NDFIP2: variants seen among roughly 807,000 people sequenced by gnomAD.
The protein encoded by NDFIP2 is Nedd4 family interacting protein 2, also known as NEDD4 family-interacting protein 2.
In NDFIP2, 19 loss-of-function variants were observed where a neutral mutation model predicts 36.0. The observed-to-expected ratio is 0.53, with a 90% confidence interval of 0.37 to 0.77. NDFIP2 has a LOEUF of 0.77. Among genes scored for constraint, NDFIP2 ranks in the 30% least tolerant of loss-of-function variants. The probability of loss-of-function intolerance (pLI) is 0.00; values close to 1 mark genes in which losing one functional copy is unlikely to be tolerated. For synonymous variants in NDFIP2, 181 were observed against 167.7 expected, an observed-to-expected ratio of 1.08 and a Z score of -0.61; for missense variants, 446 against 435.8, an observed-to-expected ratio of 1.02 and a Z score of -0.21.
At chr13:79,528,622 G>A (rs547501928) in intron 2 of NDFIP2, among the ~76,000 whole-genome samples, 19 of 152,060 alleles carry the variant, frequency 1.2e-4, no homozygotes, top group Non-Finnish European at 2.2e-4. Flanking sequence ...TATCCAGGTC[G>A]GCCACTTTAT....
At chr13:79,487,251 G>GTT (rs1873039071) in intron 1 of NDFIP2, among the ~76,000 whole-genome samples, 1 of 151,818 alleles carries the variant, frequency 6.6e-6, no homozygotes, top group Non-Finnish European at 1.5e-5. Flanking sequence ...AAATTACCTA[G>GTT]TTTTGCCTAT....
intron 1 of NDFIP2, among the ~76,000 whole-genome samples, chr13:79,514,391 T>C (rs779609193): frequency 6.6e-6 from 1 of 152,200 alleles, no homozygotes; most frequent in African/African-American, 2.4e-5. Context: ...ATTTTCACAG[T>C]GTTCAGCAAG....
chr13:79,502,902 T>C (rs1490866346), intron 1 of NDFIP2, among the ~76,000 whole-genome samples: 2 of 150,354 alleles, frequency 1.3e-5, no homozygotes, highest in Non-Finnish European at 3.0e-5. Flanking sequence ...TTTTTTTTTT[T>C]CTCTTTGAAG....
intron 1 of NDFIP2, among the ~76,000 whole-genome samples, chr13:79,499,184 A>G (rs1476606942): frequency 1.3e-5 from 2 of 151,966 alleles, no homozygotes; most frequent in African/African-American, 4.8e-5. Context: ...AAAAAGCATT[A>G]AAGTCCAACA....
At chr13:79,481,736 A>T (rs1422903341) in intron 1 of NDFIP2, among the ~76,000 whole-genome samples, 3 of 151,730 alleles carry the variant, frequency 2.0e-5, no homozygotes, top group African/African-American at 4.8e-5. Context: ...CTCTCGCCCC[A>T]AGTCTGCTTA....
chr13:79,534,921 A>G (rs1875173870), intron 3 of NDFIP2, among the ~76,000 whole-genome samples: 1 of 152,132 alleles, frequency 6.6e-6, no homozygotes, highest in Non-Finnish European at 1.5e-5. Context: ...ACGTCAACAT[A>G]AATAGCTTTG....
rs890065712 is a variant in NDFIP2, at chr13:79,518,025, C to G, written c.322-2785C>G. Among the ~76,000 whole-genome samples the G allele has an allele frequency of 6.8e-5, 5 of 73,954 alleles. No homozygotes were observed. In the African/African-American group the frequency reaches 7.6e-4, roughly 11 times the overall value. 48.5% of individuals were successfully genotyped at this position (73,954 alleles called of 152,430 possible). Reference sequence around the variant, plus strand: ...TTAGGTGATATTAACAAGTAGACATCTGTATTAACTTTTATTGGGCTTACC... The same window carrying G: ...TTAGGTGATATTAACAAGTAGACATGTGTATTAACTTTTATTGGGCTTACC... On this transcript the variant is annotated intron_variant, in intron 1 of 7. Transcript: ENST00000218652.
At chr13:79,525,374 C>T (rs1874750758) in intron 2 of NDFIP2, among the ~76,000 whole-genome samples, 1 of 152,220 alleles carries the variant, frequency 6.6e-6, no homozygotes, top group Admixed American at 6.5e-5. Flanking sequence ...CACAATTTCA[C>T]AGATAGAAGA....
chr13:79,499,962 A>G (rs1873592008), intron 1 of NDFIP2, among the ~76,000 whole-genome samples: 1 of 151,970 alleles, frequency 6.6e-6, no homozygotes, highest in Non-Finnish European at 1.5e-5. Context: ...ACCCAACTTC[A>G]AGAGTTAACT....
At chr13:79,487,431 G>C (rs9635028) in intron 1 of NDFIP2, among the ~76,000 whole-genome samples, 1 of 152,076 alleles carries the variant, frequency 6.6e-6, no homozygotes, top group Non-Finnish European at 1.5e-5. Context: ...GTTGATATTT[G>C]GGTTTTTAGT....
intron 6 of NDFIP2, 141 bp downstream of exon 6, chr13:79,548,535 T>A: frequency 1.5e-6 from 1 of 687,740 alleles, no homozygotes; most frequent in Non-Finnish European, 2.5e-6. Flanking sequence ...CTCACGTTTT[T>A]AAACTATTCT....
At chr13:79,548,215 A>G in intron 5 of NDFIP2, 113 bp from the exon 6 acceptor site, 2 of 815,522 alleles carry the variant, frequency 2.5e-6, no homozygotes, top group South Asian at 3.3e-5. Context: ...CCTTTGTGCC[A>G]TTTTTAAGTG....
intron 1 of NDFIP2, among the ~76,000 whole-genome samples, chr13:79,520,428 T>C (rs930432730): frequency 1.1e-4 from 17 of 152,206 alleles, no homozygotes; most frequent in Admixed American, 8.5e-4. Flanking sequence ...CCAGAAACCT[T>C]GGAGTCTTCT....
intron 3 of NDFIP2, 47 bp downstream of exon 3, chr13:79,533,503 T>G: frequency 6.6e-7 from 1 of 1,512,390 alleles, no homozygotes; most frequent in Non-Finnish European, 8.9e-7. Context: ...TTTCGTTAAT[T>G]GATATATACA....
intron 3 of NDFIP2, among the ~76,000 whole-genome samples, chr13:79,537,519 T>G (rs1019922040): frequency 2.6e-5 from 4 of 152,252 alleles, no homozygotes; most frequent in African/African-American, 9.6e-5. Flanking sequence ...AATTTGAAAT[T>G]ATTTAAAATT....
At chr13:79,508,401 A>C in intron 1 of NDFIP2, among the ~76,000 whole-genome samples, 1 of 152,248 alleles carries the variant, frequency 6.6e-6, no homozygotes, top group East Asian at 1.9e-4. Context: ...CAAGTTTATT[A>C]GAGAAGTAAA....
At chr13:79,482,671 C>A (rs1160311647) in intron 1 of NDFIP2, among the ~76,000 whole-genome samples, 1 of 152,074 alleles carries the variant, frequency 6.6e-6, no homozygotes, top group Non-Finnish European at 1.5e-5. Context: ...TACATTTTGG[C>A]AAATATGAAG....
At chr13:79,531,030 T>A (rs1396612361) in intron 2 of NDFIP2, among the ~76,000 whole-genome samples, 1 of 152,190 alleles carries the variant, frequency 6.6e-6, no homozygotes, top group African/African-American at 2.4e-5. Flanking sequence ...TTATGAAATA[T>A]AGCTCTAAAA....
At chr13:79,501,210 A>G (rs1451245288) in intron 1 of NDFIP2, among the ~76,000 whole-genome samples, 1 of 152,096 alleles carries the variant, frequency 6.6e-6, no homozygotes, top group African/African-American at 2.4e-5. Flanking sequence ...TAGGACAGTG[A>G]AAGTACTCTG....
Sources: gnomAD v4.1 joint callset for allele counts (sites outside exome capture counted in the v4.1 genomes callset) on GRCh38, gnomAD v4.1.1 for gene constraint, MANE v1.5 for transcripts, NCBI Gene and HGNC (gene_info 2026-07-23, HGNC 2026-07-21) for gene names.